GPM6A: variants seen among roughly 807,000 people sequenced by gnomAD.
GPM6A encodes glycoprotein M6A.
In GPM6A, 7 loss-of-function variants were observed where a neutral mutation model predicts 32.1. The ratio of observed to expected loss-of-function variants is 0.22; its 90% CI spans 0.12 to 0.41. GPM6A has a LOEUF of 0.41. Among genes scored for constraint, GPM6A ranks in the 10% least tolerant of loss-of-function variants. The pLI, the probability that GPM6A is intolerant of heterozygous loss-of-function variation, is 1.00. For synonymous variants in GPM6A, 130 were observed against 123.4 expected (o/e 1.05, Z -0.35); for missense variants, 235 against 347.2 (o/e 0.68, Z 2.57).
chr4:175,903,896 T>G (rs1472885340), intron 1 of GPM6A, among the ~76,000 whole-genome samples: 1 of 152,134 alleles, frequency 6.6e-6, no homozygotes, highest in African/African-American at 2.4e-5. Flanking sequence ...TAACGTGATA[T>G]ATAGTATCAA....
At chr4:175,858,527 G>A (rs1340471797) in intron 1 of GPM6A, among the ~76,000 whole-genome samples, 2 of 144,928 alleles carry the variant, frequency 1.4e-5, no homozygotes, top group Admixed American at 6.9e-5. Context: ...GAGAAACTCT[G>A]TTTCAAAAAA....
intron 1 of GPM6A, among the ~76,000 whole-genome samples, chr4:175,866,403 G>A (rs1736736755): frequency 6.6e-6 from 1 of 152,124 alleles, no homozygotes; most frequent in Non-Finnish European, 1.5e-5. Flanking sequence ...CATTTTCACT[G>A]CCTCGAAAAT....
At chr4:175,679,071 A>G (rs528912892) in intron 2 of GPM6A, among the ~76,000 whole-genome samples, 13 of 152,094 alleles carry the variant, frequency 8.5e-5, no homozygotes, top group African/African-American at 9.7e-5. Context: ...AACCAACTCA[A>G]TGATGAACTT....
intron 1 of GPM6A, among the ~76,000 whole-genome samples, chr4:175,826,606 C>T (rs1421378820): frequency 2.0e-5 from 3 of 152,156 alleles, no homozygotes; most frequent in Non-Finnish European, 4.4e-5. Context: ...AATAATCAGC[C>T]TTCTCTGAGT....
chr4:175,843,880 C>T (rs1331296420), intron 1 of GPM6A, among the ~76,000 whole-genome samples: 1 of 152,160 alleles, frequency 6.6e-6, no homozygotes, highest in Non-Finnish European at 1.5e-5. Context: ...GAGGATGCCT[C>T]ATCCTTGTGC....
At chr4:175,959,814 G>C (rs1372379469) in intron 1 of GPM6A, among the ~76,000 whole-genome samples, 1 of 152,060 alleles carries the variant, frequency 6.6e-6, no homozygotes, top group Non-Finnish European at 1.5e-5. Context: ...TTTTACAAAG[G>C]GTTATAAATA....
chr4:175,791,970 T>A (rs1248865365), intron 1 of GPM6A, among the ~76,000 whole-genome samples: 1 of 152,178 alleles, frequency 6.6e-6, no homozygotes, highest in East Asian at 1.9e-4. Flanking sequence ...TATTTAGTTA[T>A]TAATCATATA....
chr4:175,952,309 G>A (rs897504898), intron 1 of GPM6A, among the ~76,000 whole-genome samples: 5 of 152,154 alleles, frequency 3.3e-5, no homozygotes, highest in South Asian at 2.1e-4. Context: ...GGAGAAGTTC[G>A]TTTCTATGTA....
chr4:175,870,159 T>C (rs1344144269), intron 1 of GPM6A, among the ~76,000 whole-genome samples: 2 of 152,248 alleles, frequency 1.3e-5, no homozygotes, highest in African/African-American at 2.4e-5. Context: ...ATGTGTTTTG[T>C]CATTGACCTT....
chr4:175,861,014 C>T (rs1202853623), intron 1 of GPM6A, among the ~76,000 whole-genome samples: 1 of 151,912 alleles, frequency 6.6e-6, no homozygotes, highest in African/African-American at 2.4e-5. Context: ...GAGAACAGCA[C>T]CAACTTTCTT....
Position 175,952,486 on chromosome 4 carries a change from C to T in GPM6A, c.-23+49823G>A, listed in dbSNP as rs76947723. 5.4e-3 allele frequency among the ~76,000 whole-genome samples: 818 copies of T among 152,142 alleles called. 12 individuals carry two copies. Among genetic ancestry groups the T allele is most frequent in the African/African-American group, 0.019 (780 of 41,492 alleles). ...CCCAGTTGCCCATTGTAACAAGGAGCGGAGGCTACAGTACCTCCACCTTCT... is the reference window on the plus strand; with the variant it reads ...CCCAGTTGCCCATTGTAACAAGGAGTGGAGGCTACAGTACCTCCACCTTCT... On this transcript the variant is annotated intron_variant, in intron 1 of 7. Coordinates refer to the GPM6A transcript ENST00000280187.
intron 1 of GPM6A, among the ~76,000 whole-genome samples, chr4:175,914,645 A>G (rs569839773): frequency 6.6e-6 from 1 of 152,330 alleles, no homozygotes; most frequent in East Asian, 1.9e-4. Context: ...TTTACATAAG[A>G]TAAAGTAAAC....
rs547870007 is a variant in GPM6A, at chr4:175,928,578, CAG to C, written c.-23+73729_-23+73730del. On this transcript the variant is annotated intron_variant, in intron 1 of 7. Transcript: ENST00000280187. ...CTTGGCACAAAAGAGGAGTGTATTG[CAG>C]AGTCATTTCAGAAAGAAAATATTTA... is the stretch of plus-strand genomic sequence containing the variant. 5.4e-3 allele frequency among the ~76,000 whole-genome samples: 817 copies of C among 152,262 alleles called. 4 individuals are homozygous for C. The highest frequency in any genetic ancestry group is 0.018 in the African/African-American group (742 of 41,554).
At position 175,896,554 on chromosome 4, in the gene GPM6A, A is replaced by G. The variant is rs538964728; in HGVS notation, c.-22-84305T>C. On this transcript the variant is annotated intron_variant, in intron 1 of 7. Transcript: ENST00000280187. ...ACTCTACCCCAGTTATGGACCCAAC[A>G]CTATTTCTTTAAAGAGTTTAAGAAA... 2.9e-4 allele frequency among the ~76,000 whole-genome samples: 44 copies of G among 152,180 alleles called. No homozygotes were observed. The South Asian group carries it at 9.1e-3, about 32-fold the overall frequency.
intron 6 of GPM6A, among the ~76,000 whole-genome samples, chr4:175,639,204 TA>T (rs1165544423): frequency 6.6e-6 from 1 of 152,164 alleles, no homozygotes; most frequent in Non-Finnish European, 1.5e-5. Flanking sequence ...ATGAAATCAG[TA>T]AAATAACCAC....
At chr4:175,911,859 A>T (rs546846727) in intron 1 of GPM6A, among the ~76,000 whole-genome samples, 4 of 152,184 alleles carry the variant, frequency 2.6e-5, no homozygotes, top group Non-Finnish European at 4.4e-5. Context: ...TCAAGTTTAG[A>T]TGTCAAAAAA....
At chr4:175,926,780 A>G (rs912352299) in intron 1 of GPM6A, among the ~76,000 whole-genome samples, 4 of 152,160 alleles carry the variant, frequency 2.6e-5, no homozygotes, top group African/African-American at 9.7e-5. Context: ...CAAAAACATT[A>G]TTTTTCATAG....
At chr4:175,789,339 A>T (rs573883806) in intron 1 of GPM6A, among the ~76,000 whole-genome samples, 1 of 152,312 alleles carries the variant, frequency 6.6e-6, no homozygotes, top group South Asian at 2.1e-4. Flanking sequence ...TAATATCAGC[A>T]CACTAATAAG....
chr4:175,968,353 G>A (rs1740394865), intron 1 of GPM6A, among the ~76,000 whole-genome samples: 1 of 152,138 alleles, frequency 6.6e-6, no homozygotes, highest in South Asian at 2.1e-4. Context: ...AAATGTAAGT[G>A]ATTTTAGGTT....
Sources: gnomAD v4.1 joint callset for allele counts (sites outside exome capture counted in the v4.1 genomes callset) on GRCh38, gnomAD v4.1.1 for gene constraint, MANE v1.5 for transcripts, NCBI Gene and HGNC (gene_info 2026-07-23, HGNC 2026-07-21) for gene names.